LRBA: variants seen among roughly 807,000 people sequenced by gnomAD.
LRBA encodes LPS responsive beige-like anchor protein.
Under a neutral mutation model 330.0 loss-of-function variants are expected in LRBA, and 176 were observed. The observed-to-expected ratio is 0.53, with a 90% CI of 0.47 to 0.60. LRBA has a LOEUF of 0.60. LRBA is among the 20% of genes least tolerant of loss of function. The pLI is 0.00. For missense variants in LRBA, 3,259 were observed against 3,444.8 expected (o/e 0.95, Z 1.35); for synonymous variants, 1,230 against 1,193.0 (o/e 1.03, Z -0.64).
chr4:150,562,112 T>C lies in LRBA; in HGVS notation c.6330+25936A>G, dbSNP rs144463736. Among the ~76,000 whole-genome samples the C allele has an allele frequency of 4.2e-3, 640 of 152,292 alleles. 4 individuals are homozygous for C. The highest frequency in any genetic ancestry group is 6.8e-3 in the Non-Finnish European group (461 of 68,014). On this transcript the variant is annotated intron_variant, in intron 40 of 56. Transcript: ENST00000651943. ...TCTCCTTCAATTATTTTATATTTGC[T>C]CACACAGTATCTCCTGAGCTTCTTG...
At chr4:150,638,144 G>A (rs905558917) in intron 37 of LRBA, among the ~76,000 whole-genome samples, 1 of 149,598 alleles carries the variant, frequency 6.7e-6, no homozygotes, top group Non-Finnish European at 1.5e-5. Context: ...CAATTCTCCT[G>A]CCTCAGCCTC....
intron 37 of LRBA, among the ~76,000 whole-genome samples, chr4:150,648,158 C>CAAAAAA: frequency 0.023 from 411 of 18,080 alleles, 66 homozygotes; most frequent in Admixed American, 0.11. Context: ...ACACAAGTAG[C>CAAAAAA]AAAAAAAAAA....
intron 37 of LRBA, among the ~76,000 whole-genome samples, chr4:150,629,583 G>A (rs182487782): frequency 5.1e-4 from 77 of 151,584 alleles, no homozygotes; most frequent in African/African-American, 1.7e-3. Context: ...AGGTTGCAGT[G>A]AGCCAAGGTC....
At chr4:150,356,103 T>G (rs935090528) in intron 47 of LRBA, among the ~76,000 whole-genome samples, 1 of 152,040 alleles carries the variant, frequency 6.6e-6, no homozygotes, top group African/African-American at 2.4e-5. Context: ...CTGTTTCAAA[T>G]TTTCCTGCTA....
At chr4:150,618,871 T>TATATATAC (rs1409249658) in intron 37 of LRBA, among the ~76,000 whole-genome samples, 23 of 130,818 alleles carry the variant, frequency 1.8e-4, no homozygotes, top group African/African-American at 5.4e-4. Flanking sequence ...TATATATATA[T>TATATATAC]ACACACATAC....
chr4:150,908,393 T>C lies in LRBA; in HGVS notation c.1434A>G (p.Pro478=), dbSNP rs1427855498. The change falls in exon 11 of 57, where the codon CCA becomes CCG. Residue 478 remains proline, a synonymous_variant. Coordinates refer to ENST00000651943, the MANE Select transcript of LRBA (RefSeq NM_001364905.1). ...HSIGGVQVLF[P]LFAQLDYRQY... The stretch of plus-strand genomic sequence containing the variant: ...GCCTGTAATCCAACTGTGCAAAAAG[T>C]GGAAATAGTACTTGTACTCCTCCAA... 2.5e-6 allele frequency: 4 copies of C among 1,610,970 alleles called. No individual in the cohort carries two copies. Among genetic ancestry groups the C allele is most frequent in the Admixed American group, 3.4e-5 (2 of 59,060 alleles).
rs928274850 is a variant in LRBA, at chr4:150,957,508, G to C, written c.217-28443C>G. On this transcript the variant is annotated intron_variant, in intron 2 of 56. Transcript: ENST00000651943. ...AGAATTCAAGATGAGATTTTGGTGG[G>C]GACACAGCCAAACCATATCATTCTG... Among the ~76,000 whole-genome samples the C allele has an allele frequency of 2.0e-5, 3 of 148,098 alleles. 1 individual carries two copies. The highest frequency in any genetic ancestry group is 7.9e-5 in the African/African-American group (3 of 37,738).
chr4:150,462,213 A>G (rs1754862505), intron 44 of LRBA, among the ~76,000 whole-genome samples: 1 of 151,842 alleles, frequency 6.6e-6, no homozygotes, highest in Non-Finnish European at 1.5e-5. Flanking sequence ...CATCAGTCAG[A>G]ATTTCAGACT....
chr4:150,472,687 T>G (rs1447136096), intron 42 of LRBA, among the ~76,000 whole-genome samples: 1 of 152,134 alleles, frequency 6.6e-6, no homozygotes, highest in African/African-American at 2.4e-5. Flanking sequence ...ATCTACTCTG[T>G]GTCTCTAGTA....
Position 150,828,443 on chromosome 4 carries a change from T to C in LRBA, c.4908A>G (p.Ala1636=). The C allele has an allele frequency of 1.2e-6, 2 of 1,614,190 alleles. No individual in the cohort carries two copies. Among genetic ancestry groups the C allele is most frequent in the Non-Finnish European group, 1.7e-6 (2 of 1,180,010 alleles). ...AAAGAGTAGATAGCACCTCGCTGAT[T>C]GCATCTGGGCCTGCACTGACACCAG... ...APPGVSAGPD[A]ISEVLSTLSL... Residue 1636 remains alanine, a synonymous_variant, in exon 30 of 57, where the codon GCA becomes GCG. Transcript: ENST00000651943.
chr4:150,585,151 C>T (rs913646078), intron 40 of LRBA, among the ~76,000 whole-genome samples: 1 of 152,016 alleles, frequency 6.6e-6, no homozygotes, highest in East Asian at 1.9e-4. Flanking sequence ...TTCCTTCAAC[C>T]GTTTGTCCTC....
intron 17 of LRBA, among the ~76,000 whole-genome samples, chr4:150,885,177 C>T (rs755141429): frequency 7.3e-6 from 1 of 137,430 alleles, no homozygotes; most frequent in Non-Finnish European, 1.5e-5. Context: ...TACAGTGTTC[C>T]AACATAGATG....
At chr4:150,909,745 C>G (rs957719705) in intron 9 of LRBA, among the ~76,000 whole-genome samples, 1 of 152,094 alleles carries the variant, frequency 6.6e-6, no homozygotes. Context: ...ATATTGTTGT[C>G]CATAGCAGCT....
At chr4:150,344,785 A>C (rs1405854056) in intron 48 of LRBA, among the ~76,000 whole-genome samples, 1 of 152,160 alleles carries the variant, frequency 6.6e-6, no homozygotes, top group Non-Finnish European at 1.5e-5. Context: ...TCCCAGCCTG[A>C]AGCCATTCTC....
Position 150,857,657 on chromosome 4 carries a change from T to C in LRBA, c.2767-4714A>G, listed in dbSNP as rs927719740. Reference sequence around the variant, plus strand: ...TTACAGTATTGAACCAGGCTCATCATTGGTCAATGATAAGGAACAGATAAA... The same window carrying C: ...TTACAGTATTGAACCAGGCTCATCACTGGTCAATGATAAGGAACAGATAAA... On this transcript the variant is annotated intron_variant, in intron 22 of 56. Coordinates refer to ENST00000651943, the MANE Select transcript of LRBA (RefSeq NM_001364905.1). 3.3e-5 allele frequency among the ~76,000 whole-genome samples: 5 copies of C among 152,190 alleles called. No individual in the cohort carries two copies. The East Asian group carries it at 5.8e-4, about 18-fold the overall frequency.
chr4:150,985,479 G>A (rs1234631236), intron 2 of LRBA, among the ~76,000 whole-genome samples: 1 of 150,152 alleles, frequency 6.7e-6, no homozygotes, highest in African/African-American at 2.4e-5. Flanking sequence ...ATCTAGAATT[G>A]CACTTTTTTT....
At chr4:150,470,394 A>C (rs1755949349) in intron 43 of LRBA, among the ~76,000 whole-genome samples, 1 of 151,882 alleles carries the variant, frequency 6.6e-6, no homozygotes, top group African/African-American at 2.4e-5. Context: ...TTTGTCCTTT[A>C]CTAACTTTCC....
intron 44 of LRBA, among the ~76,000 whole-genome samples, chr4:150,450,676 T>G (rs1046520386): frequency 6.6e-6 from 1 of 152,136 alleles, no homozygotes; most frequent in Non-Finnish European, 1.5e-5. Context: ...CATATCTTTT[T>G]GGAAACAAAA....
chr4:150,620,670 G>T lies in LRBA; in HGVS notation c.5922-21539C>A, dbSNP rs1230201196. On this transcript the variant is annotated intron_variant, in intron 37 of 56. Transcript: ENST00000651943. ...GTCTTTTGCAACAACTTGGATGGAG[G>T]TGTAGGCCATTATTCTAAGAGAAGT... Among the ~76,000 whole-genome samples, 3 of 152,274 alleles carry T rather than the reference G, an allele frequency of 2.0e-5. No individual in the cohort carries two copies. The East Asian group carries it at 5.8e-4, about 29-fold the overall frequency.
Sources: gnomAD v4.1 joint callset for allele counts (sites outside exome capture counted in the v4.1 genomes callset) on GRCh38, gnomAD v4.1.1 for gene constraint, MANE v1.5 for transcripts, NCBI Gene and HGNC (gene_info 2026-07-23, HGNC 2026-07-21) for gene names.